Variants in REPS2 observed in about 807,000 individuals in gnomAD.
REPS2 encodes the protein RALBP1 associated Eps domain containing 2.
Under a neutral mutation model 53.6 loss-of-function variants are expected in REPS2, and 23 were observed. That is an observed-to-expected ratio of 0.43 (90% CI 0.31 to 0.61). The LOEUF (loss-of-function observed/expected upper bound fraction) is 0.61, where lower values mean the gene tolerates loss of function less well. Among genes scored for constraint, REPS2 ranks in the 20% least tolerant of loss-of-function variants. The pLI is 0.11. For missense variants in REPS2, 446 were observed against 534.9 expected (o/e 0.83, Z 1.64); for synonymous variants, 238 against 218.6 (o/e 1.09, Z -0.78).
rs145872769 is a variant in REPS2 at position 17,117,948 on chromosome X, C to CTT, written c.1578+14197_1578+14198dup. 2.9e-4 allele frequency among the ~76,000 whole-genome samples: 9 copies of CTT among 31,004 alleles called. 1 individual carries two copies. Among genetic ancestry groups the CTT allele is most frequent in the Non-Finnish European group, 4.7e-4 (9 of 19,152 alleles). The allele number at this position is 31,004 out of a possible 115,157, so 26.9% of individuals were successfully genotyped here. On this transcript the variant is annotated intron_variant, in intron 14 of 17. Transcript: ENST00000357277. ...CTCTCCAGCACCTGTTGTTTCCTGA[C>CTT]TTTTTTTTTTTTTTTTTTTTTTTTT...
chrX:17,014,657 G>A (rs1030828265), intron 2 of REPS2, among the ~76,000 whole-genome samples: 9 of 111,499 alleles, frequency 8.1e-5, no homozygotes, highest in Admixed American at 4.8e-4. Flanking sequence ...CTTTGTTAAC[G>A]TATAAGTAGC....
chrX:17,166,235 T>C, the REPS2 span, among the ~76,000 whole-genome samples: 1 of 110,642 alleles, frequency 9.0e-6, no homozygotes, highest in African/African-American at 3.3e-5. Context: ...GTATTTCTCC[T>C]CTGGTACCAG....
chrX:17,182,097 G>A, the REPS2 span, among the ~76,000 whole-genome samples: 1 of 111,208 alleles, frequency 9.0e-6, no homozygotes, highest in African/African-American at 3.3e-5. Flanking sequence ...TCAAAGGCTA[G>A]GTCATAAAAG....
At position 17,062,524 on chromosome X, in the gene REPS2, C is replaced by A; in HGVS notation, c.1201C>A (p.Arg401=). 2 of 1,188,431 alleles carry A rather than the reference C, an allele frequency of 1.7e-6. No homozygotes were observed. The highest frequency in any genetic ancestry group is 2.3e-4 in the Middle Eastern group (1 of 4,283). The change falls in exon 9 of 18, where the codon CGG becomes AGG. Residue 401 remains arginine, a synonymous_variant. Coordinates refer to ENST00000357277, the MANE Select transcript of REPS2 (RefSeq NM_004726.3). ...AAATCAACAACCTCGTGACTTGAAT[C>A]GGATGGAGGTAAAAGATCTTCATAT... ...PANQQPRDLN[R]MEKTSVKDMA...
rs1306477380 is a variant in REPS2 at position 17,151,001 on chromosome X, A to G, written c.*3520A>G. The G allele has an allele frequency of 8.9e-6, 1 of 112,450 alleles. No homozygotes were observed. Among genetic ancestry groups the G allele is most frequent in the South Asian group, 3.7e-4 (1 of 2,719 alleles). 9.3% of individuals were successfully genotyped at this position (112,450 alleles called of 1,213,427 possible). A position where few individuals can be genotyped will look rare whatever the true frequency, so the allele number is the denominator to read the frequency against. ...GTGACAGAATCTGAAAGAAAAGAAT[A>G]TGATTGAGCTATTTGTTTTCCTGAA... On this transcript the variant is annotated 3_prime_UTR_variant, in exon 18 of 18. Coordinates refer to ENST00000357277, the MANE Select transcript of REPS2 (RefSeq NM_004726.3).
At chrX:17,012,896 T>C (rs1173184938) in intron 2 of REPS2, among the ~76,000 whole-genome samples, 1 of 111,979 alleles carries the variant, frequency 8.9e-6, no homozygotes. Flanking sequence ...TTTTTGTTGT[T>C]GTTGGGGGAG....
intron 13 of REPS2, among the ~76,000 whole-genome samples, chrX:17,083,187 C>T (rs2062482364): frequency 9.3e-6 from 1 of 107,409 alleles, no homozygotes; most frequent in South Asian, 4.3e-4. Flanking sequence ...GGTTCATGCC[C>T]ATTCTCCTGC....
chrX:17,070,911 GGA>G (rs1212501569), intron 11 of REPS2, among the ~76,000 whole-genome samples: 4 of 109,524 alleles, frequency 3.7e-5, no homozygotes, highest in Admixed American at 9.8e-5. Flanking sequence ...GTAGGGGGAA[GGA>G]GAGAGAGAGA....
intron 1 of REPS2, among the ~76,000 whole-genome samples, chrX:16,971,257 C>A (rs1389775655): frequency 8.9e-6 from 1 of 112,245 alleles, no homozygotes; most frequent in Non-Finnish European, 1.9e-5. Flanking sequence ...TGTTGCATGT[C>A]TTTTCACGTG....
At position 17,133,861 on chromosome X, in the gene REPS2, T is replaced by G. The variant is rs779714711; in HGVS notation, c.1616T>G (p.Leu539Arg). ...QVSEAELLPQ[L>R]SRAPSQAAES... ...TCGGAGGCCGAGTTACTCCCACAGC[T>G]GAGCAGAGCCCCATCCCAGGCTGCA... The change falls in exon 15 of 18, where the codon CTG (leucine) becomes CGG (arginine). Residue 539 changes from leucine to arginine, a missense_variant. Physicochemically the swap from Leu to Arg is moderately radical, Grantham distance 102. Transcript: ENST00000357277. 3 of 1,211,704 alleles carry G rather than the reference T, an allele frequency of 2.5e-6. No homozygotes were observed. Among genetic ancestry groups the G allele is most frequent in the Non-Finnish European group, 3.4e-6 (3 of 895,280 alleles).
intron 14 of REPS2, among the ~76,000 whole-genome samples, chrX:17,120,097 G>C (rs1464211917): frequency 2.7e-5 from 3 of 110,925 alleles, no homozygotes; most frequent in Non-Finnish European, 5.7e-5. Context: ...GGCTGGTCTG[G>C]AACTCCTGAC....
At chrX:16,983,205 T>C (rs1403328749) in intron 1 of REPS2, among the ~76,000 whole-genome samples, 1 of 112,206 alleles carries the variant, frequency 8.9e-6, no homozygotes, top group Non-Finnish European at 1.9e-5. Context: ...AAAAAAAATA[T>C]ATAAAATACA....
At chrX:17,085,058 A>G (rs765307176) in intron 13 of REPS2, among the ~76,000 whole-genome samples, 2 of 112,218 alleles carry the variant, frequency 1.8e-5, no homozygotes, top group South Asian at 7.3e-4. Context: ...TTTATATGGC[A>G]TGAGTTAGGA....
chrX:17,137,247 C>T (rs1030034806), intron 16 of REPS2: 3 of 112,107 alleles, frequency 2.7e-5, no homozygotes, highest in Admixed American at 9.4e-5. Context: ...TTTTATGTTC[C>T]CGTTGGCAAC....
intron 1 of REPS2, among the ~76,000 whole-genome samples, chrX:16,989,268 T>A (rs74762674): frequency 9.5e-6 from 1 of 105,679 alleles, no homozygotes; most frequent in Non-Finnish European, 1.9e-5. Flanking sequence ...AAAAAAAAAC[T>A]CTTGCTGTAA....
intron 13 of REPS2, among the ~76,000 whole-genome samples, chrX:17,093,642 A>T (rs1054949677): frequency 7.2e-5 from 8 of 110,763 alleles, no homozygotes; most frequent in Non-Finnish European, 1.5e-4. Context: ...GTAGACTTCA[A>T]TTTTTGCCAT....
chrX:16,950,025 A>T (rs1418637648), intron 1 of REPS2, among the ~76,000 whole-genome samples: 1 of 108,456 alleles, frequency 9.2e-6, no homozygotes, highest in Non-Finnish European at 1.9e-5. Context: ...TGCTCTATTG[A>T]TTCATCCCTC....
intron 14 of REPS2, among the ~76,000 whole-genome samples, chrX:17,133,311 A>G (rs2063319303): frequency 9.0e-6 from 1 of 111,342 alleles, no homozygotes; most frequent in Non-Finnish European, 1.9e-5. Flanking sequence ...CTGCAGTGGA[A>G]TGTAGGTGCT....
intron 12 of REPS2, chrX:17,074,558 A>C (rs1196932879): frequency 8.0e-6 from 1 of 124,780 alleles, no homozygotes. Context: ...TAAAATCTAC[A>C]GTAGGGAAAG....
Sources: allele counts gnomAD v4.1 joint callset (sites outside exome capture counted in the v4.1 genomes callset), GRCh38; gene constraint gnomAD v4.1.1; transcripts MANE v1.5; gene names NCBI Gene and HGNC (gene_info 2026-07-23, HGNC 2026-07-21).